The following TRPV3 variants were observed in gnomAD, a reference collection of about 807,000 sequenced individuals.
TRPV3 encodes the protein VRL-3.
Under a neutral mutation model 87.1 loss-of-function variants are expected in TRPV3, and 88 were observed. The observed-to-expected ratio is 1.01, with a 90% CI of 0.85 to 1.21. The LOEUF is 1.21. Ranked by LOEUF, TRPV3 falls within the 50% of genes most tolerant of loss-of-function variation. TRPV3 has a pLI of 0.00. For synonymous variants in TRPV3, 438 were observed against 423.3 expected (o/e 1.03, Z -0.43); for missense variants, 1,054 against 1,030.1 (o/e 1.02, Z -0.32).
rs766631634 is a variant in TRPV3, at chr17:3,528,101, G to A, written c.1427C>T (p.Thr476Met). Residue 476 changes from threonine to methionine, a missense_variant, in exon 11 of 18, where the codon ACG becomes ATG. Coordinates refer to ENST00000576742, the MANE Select transcript of TRPV3 (RefSeq NM_145068.4). The surrounding 1 kb of genome is among the most constrained non-coding windows in gnomAD (Gnocchi z 4.2). Reference protein sequence around the residue: ...EEAIPHPLALTHKMGWLQLLG... With the variant: ...EEAIPHPLALMHKMGWLQLLG... ...GAGCTGCAGCCACCCCATCTTGTGC[G>A]TCAGGGCCAAGGGGTGCGGGATGGC... is the stretch of plus-strand genomic sequence containing the variant. 1.5e-5 allele frequency: 25 copies of A among 1,613,380 alleles called. No homozygotes were observed. The highest frequency in any genetic ancestry group is 1.5e-4 in the South Asian group (14 of 91,032).
rs1044646075 is a variant in TRPV3 at position 3,557,722 on chromosome 17, C to T, written c.-49G>A. ...GTGGCAACCCTTGCCCTGAGATCAC[C>T]GCATGTCTGGGGCCCAAGGCCCCCG... On this transcript the variant is annotated 5_prime_UTR_variant, in exon 1 of 18. Coordinates refer to ENST00000576742, the MANE Select transcript of TRPV3 (RefSeq NM_145068.4). The surrounding 1 kb of genome is among the most constrained non-coding windows in gnomAD (Gnocchi z 4.5). The T allele has an allele frequency of 2.0e-5, 3 of 152,314 alleles. No individual in the cohort carries two copies. The highest frequency in any genetic ancestry group is 3.9e-4 in the East Asian group (2 of 5,192). The allele number at this position is 152,314 out of a possible 1,614,324, so 9.4% of individuals were successfully genotyped here. A position where few individuals can be genotyped will look rare whatever the true frequency, so the allele number is the denominator to read the frequency against.
At chr17:3,539,103 C>G (rs975216572) in intron 6 of TRPV3, among the ~76,000 whole-genome samples, 2 of 152,044 alleles carry the variant, frequency 1.3e-5, no homozygotes, top group African/African-American at 2.4e-5. Flanking sequence ...TGAAAAGAAG[C>G]TAGACTTTCA....
chr17:3,519,961 G>A (rs72634010), intron 14 of TRPV3, among the ~76,000 whole-genome samples: 23,301 of 131,790 alleles, frequency 0.18, 2,583 homozygotes, highest in East Asian at 0.56. Context: ...TGGATGGATC[G>A]ATGGATGAAT....
chr17:3,532,764 T>A lies in TRPV3; in HGVS notation c.958A>T (p.Met320Leu). The change falls in exon 8 of 18, where the codon ATG becomes TTG. Residue 320 changes from methionine to leucine, a missense_variant. Coordinates refer to ENST00000576742, the MANE Select transcript of TRPV3 (RefSeq NM_145068.4). ...FKTQNDFVKR[M>L]YDMILLRSGN... ...CTCCGCAGTAGGATCATGTCGTACA[T>A]GCGCTTCACAAAGTCATTCTGCGTC... 3.7e-6 allele frequency: 6 copies of A among 1,614,266 alleles called. No homozygotes were observed. The highest frequency in any genetic ancestry group is 5.1e-6 in the Non-Finnish European group (6 of 1,180,048).
At chr17:3,517,810 C>CTTTTTTTTTTTTTTTTTTTTTTTTTTT (rs71153363) in intron 15 of TRPV3, among the ~76,000 whole-genome samples, 1 of 113,180 alleles carries the variant, frequency 8.8e-6, no homozygotes, top group Non-Finnish European at 1.8e-5. Flanking sequence ...ATGAGCATTT[C>CTTTTTTTTTTTTTTTTTTTTTTTTTTT]TTTTTTTTTT....
rs1217481393 is a variant in TRPV3 at position 3,544,561 on chromosome 17, G to A, written c.311+18C>T. The A allele has an allele frequency of 1.3e-6, 2 of 1,541,530 alleles. No individual in the cohort carries two copies. The highest frequency in any genetic ancestry group is 8.9e-7 in the Non-Finnish European group (1 of 1,126,456). ...GCCTGGGTGGGCACAGTGGGTGGAG[G>A]GGGAGGGGCAGACTTACCTGGGGCT... On this transcript the variant is annotated intron_variant, in intron 4 of 17. Coordinates refer to ENST00000576742, the MANE Select transcript of TRPV3 (RefSeq NM_145068.4).
chr17:3,555,721 A>G (rs959887698), intron 1 of TRPV3, among the ~76,000 whole-genome samples: 3 of 152,186 alleles, frequency 2.0e-5, no homozygotes, highest in African/African-American at 7.2e-5. Flanking sequence ...TGCTGTGTGG[A>G]GGAAGGACAA....
intron 5 of TRPV3, 86 bp from the exon 6 acceptor site, chr17:3,542,784 G>T (rs1474310463): frequency 1.4e-6 from 2 of 1,428,560 alleles, no homozygotes; most frequent in African/African-American, 1.4e-5. Context: ...TGCTGCAGCC[G>T]CAGACCCCAA....
At position 3,542,508 on chromosome 17, in the gene TRPV3, T is replaced by G; in HGVS notation, c.643+14A>C. ...GAGACTCCTGTCTGCACAGCCCCTC[T>G]GCAGGCAGGATACCTTCATAGGCCT... is the stretch of plus-strand genomic sequence containing the variant. On this transcript the variant is annotated intron_variant, in intron 6 of 17. Coordinates refer to ENST00000576742, the MANE Select transcript of TRPV3 (RefSeq NM_145068.4). 1 of 1,610,912 alleles carries G rather than the reference T, an allele frequency of 6.2e-7. No homozygotes were observed. The highest frequency in any genetic ancestry group is 8.5e-7 in the Non-Finnish European group (1 of 1,178,258).
At chr17:3,545,041 T>C (rs1455680417) in intron 3 of TRPV3, 126 bp downstream of exon 3, 4 of 608,314 alleles carry the variant, frequency 6.6e-6, no homozygotes, top group Non-Finnish European at 8.7e-6. Flanking sequence ...TAATAAAGTT[T>C]TATAATAGAC....
chr17:3,518,468 G>T lies in TRPV3; in HGVS notation c.2085+108C>A. The T allele has an allele frequency of 7.5e-7, 1 of 1,325,586 alleles. No individual in the cohort carries two copies. Among genetic ancestry groups the T allele is most frequent in the Non-Finnish European group, 1.0e-6 (1 of 987,368 alleles). The allele number at this position is 1,325,586 out of a possible 1,614,324, so 82.1% of individuals were successfully genotyped here. On this transcript the variant is annotated intron_variant, in intron 15 of 17. Coordinates refer to ENST00000576742, the MANE Select transcript of TRPV3 (RefSeq NM_145068.4). The surrounding 1 kb of genome is among the most constrained non-coding windows in gnomAD (Gnocchi z 4.3). ...GGCCACACACTGAGGAGCTTGTGCA[G>T]ATTCTCAGGCCCCACCTCAGACCCA...
chr17:3,551,870 CTTTTTTTTT>C (rs747932928), intron 2 of TRPV3, among the ~76,000 whole-genome samples: 152 of 43,340 alleles, frequency 3.5e-3, no homozygotes, highest in African/African-American at 0.01. Context: ...GTAATTTATT[CTTTTTTTTT>C]TTTTTTTTTT....
intron 6 of TRPV3, among the ~76,000 whole-genome samples, chr17:3,539,848 G>T (rs74429545): frequency 0.011 from 1,737 of 152,180 alleles, 18 homozygotes; most frequent in Non-Finnish European, 0.019. Flanking sequence ...GCTTTAAAAT[G>T]ATATGAATAA....
chr17:3,528,207 A>G lies in TRPV3; in HGVS notation c.1402-81T>C. 3.8e-6 allele frequency: 4 copies of G among 1,052,216 alleles called. No individual in the cohort carries two copies. Among genetic ancestry groups the G allele is most frequent in the Non-Finnish European group, 4.1e-6 (3 of 726,118 alleles). 65.2% of individuals were successfully genotyped at this position (1,052,216 alleles called of 1,614,324 possible). A position where few individuals can be genotyped will look rare whatever the true frequency, so the allele number is the denominator to read the frequency against. On this transcript the variant is annotated intron_variant, in intron 10 of 17. Coordinates refer to ENST00000576742, the MANE Select transcript of TRPV3 (RefSeq NM_145068.4). This position sits in a 1 kb window ranked among gnomAD's most constrained non-coding sequence, Gnocchi z 4.2. ...ACCAACTCTAGAGGGACCAAAACCC[A>G]GGTGAAACACTCAAGCCGGGCCAGA...
rs1189518460 is a variant in TRPV3 at position 3,557,237 on chromosome 17, G to T, written c.-3+439C>A. 2.0e-5 allele frequency among the ~76,000 whole-genome samples: 3 copies of T among 152,166 alleles called. No individual in the cohort carries two copies. Among genetic ancestry groups the T allele is most frequent in the Non-Finnish European group, 4.4e-5 (3 of 68,022 alleles). ...CAGACCAGGCCGCGGAGCCACAGCTGCTGACTCAGCACCTGTGAGATGCCT... is the reference window on the plus strand; with the variant it reads ...CAGACCAGGCCGCGGAGCCACAGCTTCTGACTCAGCACCTGTGAGATGCCT... On this transcript the variant is annotated intron_variant, in intron 1 of 17. Coordinates refer to ENST00000576742, the MANE Select transcript of TRPV3 (RefSeq NM_145068.4). This position sits in a 1 kb window ranked among gnomAD's most constrained non-coding sequence, Gnocchi z 4.5.
rs773430206 is a variant in TRPV3 at position 3,532,765 on chromosome 17, G to A, written c.957C>T (p.Arg319=). ...DFKTQNDFVK[R]MYDMILLRSG... ...TCCGCAGTAGGATCATGTCGTACAT[G>A]CGCTTCACAAAGTCATTCTGCGTCT... Residue 319 remains arginine, a synonymous_variant, in exon 8 of 18, where the codon CGC becomes CGT. Transcript: ENST00000576742. 1.5e-5 allele frequency: 24 copies of A among 1,614,270 alleles called. No individual in the cohort carries two copies. The highest frequency in any genetic ancestry group is 1.9e-5 in the Non-Finnish European group (23 of 1,180,046).
chr17:3,516,660 C>T, intron 15 of TRPV3, 91 bp from the exon 16 acceptor site: 1 of 887,718 alleles, frequency 1.1e-6, no homozygotes, highest in South Asian at 1.4e-5. Context: ...ACTCCACCCT[C>T]ACCTCATGCT....
chr17:3,544,170 G>A (rs1354569135), intron 4 of TRPV3, among the ~76,000 whole-genome samples: 4 of 152,214 alleles, frequency 2.6e-5, no homozygotes, highest in East Asian at 1.9e-4. Flanking sequence ...CACCACGCCC[G>A]GCTAAGTTTT....
At chr17:3,542,974 A>AC (rs1424278186) in intron 5 of TRPV3, among the ~76,000 whole-genome samples, 1 of 150,522 alleles carries the variant, frequency 6.6e-6, no homozygotes, top group African/African-American at 2.4e-5. Context: ...CCCTGCTGCC[A>AC]CCCTGGAATC....
Sources: gnomAD v4.1 joint callset for allele counts (sites outside exome capture counted in the v4.1 genomes callset) on GRCh38, gnomAD v4.1.1 for gene constraint, Gnocchi (gnomAD v3.1) non-coding constraint, MANE v1.5 for transcripts, NCBI Gene and HGNC (gene_info 2026-07-23, HGNC 2026-07-21) for gene names.